The following TRPM1 variants were observed in gnomAD, a reference collection of about 807,000 sequenced individuals.
The protein encoded by TRPM1 is TRPM1-203 APA Isoform, Intron 10.
Under a neutral mutation model 149.4 loss-of-function variants are expected in TRPM1, and 113 were observed. The ratio of observed to expected loss-of-function variants is 0.76; its 90% CI spans 0.65 to 0.88. The LOEUF (loss-of-function observed/expected upper bound fraction) is 0.88. Ranked by LOEUF, TRPM1 falls within the 40% of genes least tolerant of loss-of-function variation. The pLI is 0.00. For missense variants in TRPM1, 1,976 were observed against 2,038.7 expected, an observed-to-expected ratio of 0.97 and a Z score of 0.59; for synonymous variants, 741 against 759.5, an observed-to-expected ratio of 0.98 and a Z score of 0.40.
intron 1 of TRPM1, among the ~76,000 whole-genome samples, chr15:31,090,375 A>G (rs574139047): frequency 6.6e-6 from 1 of 152,262 alleles, no homozygotes; most frequent in South Asian, 2.1e-4. Context: ...GTGGTGGCTC[A>G]TGCCTGTACT....
Position 31,017,016 on chromosome 15 carries a change from G to A in TRPM1, c.3629+9123C>T, listed in dbSNP as rs1481124177. Among the ~76,000 whole-genome samples the A allele has an allele frequency of 5.3e-5, 8 of 151,418 alleles. No homozygotes were observed. The South Asian group carries it at 1.5e-3, about 28-fold the overall frequency. ...AAAAAAAACTTGTTTTTTAAATTAA[G>A]AAAGTCGGCCGGTTGTGGTGGTTCA... On this transcript the variant is annotated intron_variant, in intron 27 of 27. Coordinates refer to ENST00000256552, the MANE Select transcript of TRPM1 (RefSeq NM_001252024.2).
In TRPM1 at chr15:31,070,104, T is replaced by A; in HGVS notation, c.206A>T (p.His69Leu). Residue 69 changes from histidine to leucine, a missense_variant, in exon 4 of 28, where the codon CAC becomes CTC. Around this residue, in one of 3 missense-constraint regions of TRPM1, gnomAD observed 1,332 missense variants for 1,347.1 expected, o/e 0.99. Transcript: ENST00000256552. ...GGAATCTGTTGGGTAGCTCTGGGTG[T>A]GCTTGGCAACAGACCATTTCTCAGG... ...TQPEKWSVAK[H>L]TQSYPTDSYG... 3 of 1,614,190 alleles carry A rather than the reference T, an allele frequency of 1.9e-6. No individual in the cohort carries two copies. The highest frequency in any genetic ancestry group is 1.7e-6 in the Non-Finnish European group (2 of 1,180,038).
At chr15:31,142,866 T>A (rs1459328794) in intron 1 of TRPM1, among the ~76,000 whole-genome samples, 2 of 152,218 alleles carry the variant, frequency 1.3e-5, no homozygotes, top group Non-Finnish European at 2.9e-5. Context: ...TTGAGTTATA[T>A]TTGTATACAT....
At chr15:31,093,599 T>A (rs976326443) in intron 1 of TRPM1, among the ~76,000 whole-genome samples, 1 of 152,044 alleles carries the variant, frequency 6.6e-6, no homozygotes, top group Non-Finnish European at 1.5e-5. Flanking sequence ...AATCTGGTTT[T>A]TTTTTTTGTT....
intron 1 of TRPM1, among the ~76,000 whole-genome samples, chr15:31,143,199 A>G (rs923462546): frequency 1.3e-5 from 2 of 152,230 alleles, no homozygotes; most frequent in Non-Finnish European, 2.9e-5. Flanking sequence ...TAACTTTGAG[A>G]TACTATTGGA....
intron 1 of TRPM1, among the ~76,000 whole-genome samples, chr15:31,089,615 G>A (rs1191726502): frequency 6.6e-6 from 1 of 152,188 alleles, no homozygotes; most frequent in Admixed American, 6.5e-5. Context: ...CACTGGCTCG[G>A]GAGAGTTTGT....
chr15:31,024,085 A>T (rs2032638679), intron 27 of TRPM1, among the ~76,000 whole-genome samples: 1 of 152,184 alleles, frequency 6.6e-6, no homozygotes, highest in Non-Finnish European at 1.5e-5. Context: ...GAAAGCTACC[A>T]AGACAACAGG....
Position 31,037,849 on chromosome 15 carries a change from A to G in TRPM1, c.2440-7T>C, listed in dbSNP as rs950442734. On this transcript the variant is annotated splice_region_variant and splice_polypyrimidine_tract_variant and intron_variant, in intron 19 of 27. Transcript: ENST00000256552. Reference sequence around the variant, plus strand: ...CAGCATCTGCATTTGCATCCTGGAAAACAGAGCACAGCACATGACAGGCAG... The same window carrying G: ...CAGCATCTGCATTTGCATCCTGGAAGACAGAGCACAGCACATGACAGGCAG... 2 of 1,614,024 alleles carry G rather than the reference A, an allele frequency of 1.2e-6. No individual in the cohort carries two copies. The highest frequency in any genetic ancestry group is 8.5e-7 in the Non-Finnish European group (1 of 1,180,004).
At chr15:31,057,076 C>T (rs1329854647) in intron 11 of TRPM1, among the ~76,000 whole-genome samples, 2 of 152,160 alleles carry the variant, frequency 1.3e-5, no homozygotes, top group South Asian at 4.1e-4. Context: ...GAAGGGATGT[C>T]TGATGTAGAC....
At chr15:31,033,038 A>C (rs2033167047) in intron 21 of TRPM1, 98 bp from the exon 22 acceptor site, 1 of 1,545,356 alleles carries the variant, frequency 6.5e-7, no homozygotes, top group Middle Eastern at 1.7e-4. Flanking sequence ...ATTCCAGGTC[A>C]TCTGGCCCCT....
chr15:31,032,722 A>G lies in TRPM1; in HGVS notation c.2919T>C (p.Tyr973=), dbSNP rs377688290. ...CAATCATCATCACGTATGGCCCCAG[A>G]TACTTGTTGACACCAAAGATGTCCA... The part of the protein sequence containing the change: ...RVLDIFGVNK[Y]LGPYVMMIGK... The change falls in exon 22 of 28, where the codon TAT becomes TAC. Residue 973 remains tyrosine, a synonymous_variant. Coordinates refer to ENST00000256552, the MANE Select transcript of TRPM1 (RefSeq NM_001252024.2). 1 of 1,614,070 alleles carries G rather than the reference A, an allele frequency of 6.2e-7. No homozygotes were observed. The highest frequency in any genetic ancestry group is 8.5e-7 in the Non-Finnish European group (1 of 1,180,032).
At chr15:31,003,803 C>A (rs754113970) in intron 27 of TRPM1, among the ~76,000 whole-genome samples, 20 of 151,074 alleles carry the variant, frequency 1.3e-4, no homozygotes, top group Non-Finnish European at 1.6e-4. Flanking sequence ...TTAGTATTTC[C>A]TTAAGGTTAC....
At chr15:31,089,395 C>A (rs578022560) in intron 1 of TRPM1, among the ~76,000 whole-genome samples, 4 of 152,204 alleles carry the variant, frequency 2.6e-5, no homozygotes, top group Non-Finnish European at 4.4e-5. Flanking sequence ...TACGTTGTTT[C>A]TTCCCTACAG....
In TRPM1 at chr15:31,161,160, G is replaced by A. The variant is rs535391445; in HGVS notation, c.-201C>T. ...GCCGGAGGCTGGTTCAGCCTAGGAG[G>A]AGCATGTGCTGGCTTTTGGTGGCCC... On this transcript the variant is annotated 5_prime_UTR_variant, in exon 1 of 27. Transcript: ENST00000542188. 646 of 585,578 alleles carry A rather than the reference G, an allele frequency of 1.1e-3. 4 individuals carry two copies. Among genetic ancestry groups the A allele is most frequent in the Non-Finnish European group, 1.7e-3 (551 of 328,838 alleles). The allele number at this position is 585,578 out of a possible 1,614,324, so 36.3% of individuals were successfully genotyped here.
intron 1 of TRPM1, among the ~76,000 whole-genome samples, chr15:31,082,577 T>G (rs1046907835): frequency 1.3e-5 from 2 of 152,168 alleles, no homozygotes; most frequent in African/African-American, 4.8e-5. Flanking sequence ...GACCCAGCGA[T>G]TTTTCATCTG....
intron 19 of TRPM1, 62 bp from the exon 20 acceptor site, chr15:31,037,904 G>A (rs978391468): frequency 1.5e-4 from 236 of 1,612,730 alleles, no homozygotes; most frequent in Middle Eastern, 3.3e-4. Context: ...AAGGCACTCC[G>A]GCACACAGGC....
chr15:31,040,424 A>G lies in TRPM1; in HGVS notation c.2088-78T>C. 8.2e-7 allele frequency: 1 copy of G among 1,225,354 alleles called. No individual in the cohort carries two copies. Among genetic ancestry groups the G allele is most frequent in the East Asian group, 2.3e-5 (1 of 42,774 alleles). The allele number at this position is 1,225,354 out of a possible 1,614,324, so 75.9% of individuals were successfully genotyped here. On this transcript the variant is annotated intron_variant, in intron 17 of 27. Coordinates refer to ENST00000256552, the MANE Select transcript of TRPM1 (RefSeq NM_001252024.2). The surrounding 1 kb of genome is among the most constrained non-coding windows in gnomAD (Gnocchi z 4.2). ...TCTTAGACAGGCATATCCACCAAGG[A>G]CTTATGGAGCCACGGGACACAGTAT...
chr15:31,160,992 A>G lies in TRPM1; in HGVS notation c.-33T>C, dbSNP rs7163760. Reference sequence around the variant, plus strand: ...AGTGAGCCTGTGAGCCACCCTGCTGACTCCCTCGGGTGGCCAGGCCAGTGG... The same window carrying G: ...AGTGAGCCTGTGAGCCACCCTGCTGGCTCCCTCGGGTGGCCAGGCCAGTGG... On this transcript the variant is annotated 5_prime_UTR_variant, in exon 1 of 27. Coordinates refer to the TRPM1 transcript ENST00000542188. 9,324 of 1,534,610 alleles carry G rather than the reference A, an allele frequency of 6.1e-3. 484 individuals carry two copies. The African/African-American group carries it at 0.11, about 19-fold the overall frequency.
chr15:31,091,467 G>C (rs2035238669), intron 1 of TRPM1, among the ~76,000 whole-genome samples: 1 of 152,246 alleles, frequency 6.6e-6, no homozygotes, highest in African/African-American at 2.4e-5. Flanking sequence ...AGGTTGGCCA[G>C]TTAGCTGCAG....
Sources: allele counts gnomAD v4.1 joint callset (sites outside exome capture counted in the v4.1 genomes callset), GRCh38; gene constraint gnomAD v4.1.1; regional missense constraint gnomAD v4.1.1; non-coding constraint Gnocchi (gnomAD v3.1); transcripts MANE v1.5; gene names NCBI Gene and HGNC (gene_info 2026-07-23, HGNC 2026-07-21).